Variants in GLDC observed in about 807,000 individuals in gnomAD.
The protein encoded by GLDC is glycine dehydrogenase (decarboxylating), mitochondrial.
In GLDC, 104 loss-of-function variants were observed where a neutral mutation model predicts 121.3. That is an observed-to-expected ratio of 0.86 (90% CI 0.73 to 1.01). The LOEUF is 1.01. Ranked by LOEUF, GLDC falls within the 50% of genes least tolerant of loss-of-function variation. The probability of loss-of-function intolerance (pLI) is 0.00; values close to 1 mark genes in which losing one functional copy is unlikely to be tolerated. For missense variants in GLDC, 1,429 were observed against 1,306.6 expected, an observed-to-expected ratio of 1.09 and a Z score of -1.44; for synonymous variants, 546 against 480.6, an observed-to-expected ratio of 1.14 and a Z score of -1.78.
intron 2 of GLDC, among the ~76,000 whole-genome samples, chr9:6,638,619 C>G (rs931808322): frequency 6.6e-6 from 1 of 151,958 alleles, no homozygotes; most frequent in Non-Finnish European, 1.5e-5. Context: ...TTACCCACAG[C>G]TTTCATGGCA....
intron 17 of GLDC, among the ~76,000 whole-genome samples, chr9:6,557,175 A>G (rs1340084039): frequency 6.6e-6 from 1 of 152,042 alleles, no homozygotes; most frequent in African/African-American, 2.4e-5. Flanking sequence ...TTCCCTCAAC[A>G]CAAAGAAATG....
At chr9:6,643,926 C>G (rs1423618531) in intron 2 of GLDC, among the ~76,000 whole-genome samples, 5 of 142,632 alleles carry the variant, frequency 3.5e-5, no homozygotes, top group Admixed American at 3.0e-4. Context: ...CCCAGCTAGT[C>G]AAGAGGCTGA....
At chr9:6,604,876 G>A in intron 6 of GLDC, 92 bp from the exon 7 acceptor site, 1 of 1,081,684 alleles carries the variant, frequency 9.2e-7, no homozygotes, top group East Asian at 2.4e-5. Context: ...CAGGAAGACG[G>A]GCAGAGTGTG....
At position 6,605,126 on chromosome 9, in the gene GLDC, C is replaced by G. The variant is rs192663616; in HGVS notation, c.861+5G>C. On this transcript the variant is annotated splice_donor_5th_base_variant and intron_variant, in intron 6 of 24. Coordinates refer to ENST00000321612, the MANE Select transcript of GLDC (RefSeq NM_000170.3). ...ACGGACCCCCCACAAGAAAGGTATACCTACCCCACTCTGATGAGCTCTCTC... is the reference window on the plus strand; with the variant it reads ...ACGGACCCCCCACAAGAAAGGTATAGCTACCCCACTCTGATGAGCTCTCTC... 7.3e-5 allele frequency: 117 copies of G among 1,611,838 alleles called. No homozygotes were observed. The highest frequency in any genetic ancestry group is 5.7e-4 in the Admixed American group (34 of 59,992).
chr9:6,575,024 A>G (rs1038423801), intron 15 of GLDC, among the ~76,000 whole-genome samples: 1 of 151,498 alleles, frequency 6.6e-6, no homozygotes, highest in African/African-American at 2.4e-5. Flanking sequence ...AGAATTAGAG[A>G]GTTTTTTGCT....
chr9:6,552,689 A>T (rs1817539831), intron 20 of GLDC, among the ~76,000 whole-genome samples: 1 of 152,144 alleles, frequency 6.6e-6, no homozygotes, highest in South Asian at 2.1e-4. Context: ...TGCTCTAATG[A>T]GCAGCCAAAC....
At position 6,612,238 on chromosome 9, in the gene GLDC, TTC is replaced by T. The variant is rs748149263; in HGVS notation, c.471-1884_471-1883del. Among the ~76,000 whole-genome samples the T allele has an allele frequency of 1.0e-4, 14 of 136,102 alleles. No homozygotes were observed. The South Asian group carries it at 1.2e-3, about 11-fold the overall frequency. 89.3% of individuals were successfully genotyped at this position (136,102 alleles called of 152,430 possible). A position where few individuals can be genotyped will look rare whatever the true frequency, so the allele number is the denominator to read the frequency against. ...ACACACTCTCTCACACACACACTCT[TTC>T]TCTCTCTCTCTCTCACACACACTCA... On this transcript the variant is annotated intron_variant, in intron 3 of 24. Coordinates refer to ENST00000321612, the MANE Select transcript of GLDC (RefSeq NM_000170.3).
rs761921284 is a variant in GLDC, at chr9:6,604,711, A to G, written c.935T>C (p.Ile312Thr). The G allele has an allele frequency of 6.2e-6, 10 of 1,614,004 alleles. No homozygotes were observed. Among genetic ancestry groups the G allele is most frequent in the African/African-American group, 5.3e-5 (4 of 74,926 alleles). Residue 312 changes from isoleucine to threonine, a missense_variant, in exon 7 of 25, where the codon ATC becomes ACC. Transcript: ENST00000321612. ...AAATCTCTGGGAGCTGCCCAGGGCG[A>G]TGTCTACCCCAAATTCTCCAGGTGG... ...LRPPGEFGVD[I>T]ALGSSQRFGV...
intron 21 of GLDC, among the ~76,000 whole-genome samples, chr9:6,546,269 T>A (rs983214592): frequency 6.6e-6 from 1 of 151,946 alleles, no homozygotes; most frequent in Non-Finnish European, 1.5e-5. Flanking sequence ...TACAACTCAC[T>A]GCAGCCTCAA....
At chr9:6,608,077 C>T (rs984283744) in intron 4 of GLDC, among the ~76,000 whole-genome samples, 3 of 151,512 alleles carry the variant, frequency 2.0e-5, no homozygotes, top group Non-Finnish European at 2.9e-5. Context: ...GAGCTGAGAT[C>T]GTGCACCCCA....
At chr9:6,629,958 T>TATATATATATATATGTGTATA in intron 2 of GLDC, among the ~76,000 whole-genome samples, 5 of 78,676 alleles carry the variant, frequency 6.4e-5, no homozygotes, top group Admixed American at 1.3e-4. Flanking sequence ...TATATATATA[T>TATATATATATATATGTGTATA]TTTTTTTTTT....
chr9:6,559,008 T>G (rs968754883), intron 16 of GLDC, among the ~76,000 whole-genome samples: 1 of 152,128 alleles, frequency 6.6e-6, no homozygotes, highest in African/African-American at 2.4e-5. Context: ...AGAAAGCACC[T>G]TAGAAGAACA....
intron 21 of GLDC, 101 bp downstream of exon 21, chr9:6,550,702 A>G: frequency 1.3e-6 from 1 of 786,164 alleles, no homozygotes; most frequent in Non-Finnish European, 2.3e-6. Context: ...ATGTGCTAAG[A>G]AATAGAAGTC....
At chr9:6,621,263 T>C (rs896673418) in intron 2 of GLDC, among the ~76,000 whole-genome samples, 1 of 152,178 alleles carries the variant, frequency 6.6e-6, no homozygotes, top group Non-Finnish European at 1.5e-5. Flanking sequence ...ATAAATGTAC[T>C]TGGATGCAGG....
intron 21 of GLDC, among the ~76,000 whole-genome samples, chr9:6,543,899 G>C (rs925711885): frequency 1.3e-5 from 2 of 151,466 alleles, no homozygotes; most frequent in Non-Finnish European, 2.9e-5. Flanking sequence ...AGGAGGGGGG[G>C]GGATGAAGGA....
chr9:6,605,516 T>G (rs1818712195), intron 5 of GLDC: 5 of 572,406 alleles, frequency 8.7e-6, no homozygotes, highest in Non-Finnish European at 3.2e-6. Context: ...CTTTGCCCTT[T>G]CCTGTCACAA....
At chr9:6,626,715 G>A (rs867562155) in intron 2 of GLDC, among the ~76,000 whole-genome samples, 8 of 152,070 alleles carry the variant, frequency 5.3e-5, no homozygotes, top group African/African-American at 9.7e-5. Context: ...ATACCTCTCC[G>A]CACAGGTGTC....
chr9:6,630,125 C>A (rs1819346259), intron 2 of GLDC, among the ~76,000 whole-genome samples: 1 of 150,948 alleles, frequency 6.6e-6, no homozygotes, highest in African/African-American at 2.5e-5. Context: ...GAGTTTTGAA[C>A]AATGTGCCTA....
Position 6,599,980 on chromosome 9 carries a change from G to C in GLDC, c.1155+2129C>G, listed in dbSNP as rs79873885. On this transcript the variant is annotated intron_variant, in intron 8 of 24. Transcript: ENST00000321612. ...GCCTTCCTGGAGAAGCTTTTCAGAGGTGGTTCTAGACGCCAAAGCCCTGAG... is the reference window on the plus strand; with the variant it reads ...GCCTTCCTGGAGAAGCTTTTCAGAGCTGGTTCTAGACGCCAAAGCCCTGAG... 8.2e-3 allele frequency among the ~76,000 whole-genome samples: 1,254 copies of C among 152,244 alleles called. 51 individuals carry two copies. The highest frequency in any genetic ancestry group is 0.067 in the Admixed American group (1,018 of 15,270).
Sources: allele counts gnomAD v4.1 joint callset (sites outside exome capture counted in the v4.1 genomes callset), GRCh38; gene constraint gnomAD v4.1.1; transcripts MANE v1.5; gene names NCBI Gene and HGNC (gene_info 2026-07-23, HGNC 2026-07-21).